ACTR3C: variants seen among roughly 807,000 people sequenced by gnomAD.
ACTR3C encodes actin related protein 3C.
Under a neutral mutation model 26.3 loss-of-function variants are expected in ACTR3C, and 18 were observed. The observed-to-expected ratio is 0.68, with a 90% CI of 0.47 to 1.01. The LOEUF (loss-of-function observed/expected upper bound fraction) is 1.01, where lower values mean the gene tolerates loss of function less well. Among genes scored for constraint, ACTR3C ranks in the 50% least tolerant of loss-of-function variants. The pLI is 0.00. For missense variants in ACTR3C, 184 were observed against 250.7 expected (o/e 0.73, Z 1.80); for synonymous variants, 55 against 94.5 (o/e 0.58, Z 2.42).
chr7:150,170,337 C>T, the ACTR3C span, among the ~76,000 whole-genome samples: 1 of 150,892 alleles, frequency 6.6e-6, no homozygotes, highest in Non-Finnish European at 1.5e-5. Flanking sequence ...ATCTCTTCAA[C>T]TCTGCCATGT....
downstream of ACTR3C, among the ~76,000 whole-genome samples, chr7:150,243,141 C>T (rs1832279205): frequency 6.6e-6 from 1 of 152,110 alleles, no homozygotes; most frequent in African/African-American, 2.4e-5. Flanking sequence ...GATCAAGTTT[C>T]GTGATTAGTA....
At position 150,319,260 on chromosome 7, in the gene ACTR3C, T is replaced by C. The variant is rs1797244103; in HGVS notation, c.-52+4209A>G. On this transcript the variant is annotated intron_variant, in intron 1 of 7. Coordinates refer to ENST00000683684, the MANE Select transcript of ACTR3C (RefSeq NM_001164458.2). ...ACTCTGTTACCTAGGCAGGATGGAG[T>C]CCAATGGCGTGAGCTTGGCTCACCA... Among the ~76,000 whole-genome samples, 10 of 150,482 alleles carry C rather than the reference T, an allele frequency of 6.6e-5. No individual in the cohort carries two copies. In the Admixed American group the frequency reaches 6.7e-4, roughly 10 times the overall value.
At chr7:149,940,426 T>A in the ACTR3C span, among the ~76,000 whole-genome samples, 2 of 151,778 alleles carry the variant, frequency 1.3e-5, no homozygotes, top group Non-Finnish European at 2.9e-5. Flanking sequence ...CTCCACTTAC[T>A]TAATGGTCCC....
At chr7:150,053,881 G>A in the ACTR3C span, among the ~76,000 whole-genome samples, 1,981 of 152,342 alleles carry the variant, frequency 0.013, 22 homozygotes, top group Admixed American at 0.039. Flanking sequence ...AAGATTTAGG[G>A]AGGGTTGAGC....
chr7:150,221,998 C>CAAAAAAAAAAAAAAAAAAAAAAAA, the ACTR3C span, among the ~76,000 whole-genome samples: 8 of 79,796 alleles, frequency 1.0e-4, no homozygotes, highest in African/African-American at 5.5e-4. Context: ...ACTCCGTCTC[C>CAAAAAAAAAAAAAAAAAAAAAAAA]AAAAAAAAAA....
chr7:150,037,900 G>A, the ACTR3C span, among the ~76,000 whole-genome samples: 218 of 119,202 alleles, frequency 1.8e-3, 3 homozygotes, highest in South Asian at 5.0e-3. Flanking sequence ...AGAGGGGCTC[G>A]CTCTCAGTCC....
the ACTR3C span, among the ~76,000 whole-genome samples, chr7:149,911,172 T>TGG: frequency 2.0e-5 from 3 of 151,784 alleles, no homozygotes; most frequent in Admixed American, 2.0e-4. Flanking sequence ...CTTCCCAATT[T>TGG]TAACATATTT....
chr7:150,175,223 A>G, the ACTR3C span, among the ~76,000 whole-genome samples: 1 of 148,892 alleles, frequency 6.7e-6, no homozygotes, highest in South Asian at 2.1e-4. Flanking sequence ...AGACAAGATA[A>G]TAGATTTCTC....
the ACTR3C span, among the ~76,000 whole-genome samples, chr7:150,220,798 C>T: frequency 6.6e-6 from 1 of 152,310 alleles, no homozygotes; most frequent in Non-Finnish European, 1.5e-5. Context: ...CCCACGGGTG[C>T]GCGCTCCGCT....
chr7:150,042,530 C>T, the ACTR3C span, among the ~76,000 whole-genome samples: 120 of 134,026 alleles, frequency 9.0e-4, no homozygotes, highest in Middle Eastern at 4.5e-3. Context: ...ATAGTGGTCC[C>T]AAGAGCCAGG....
At chr7:150,012,354 G>A in the ACTR3C span, among the ~76,000 whole-genome samples, 15 of 138,330 alleles carry the variant, frequency 1.1e-4, no homozygotes, top group South Asian at 2.3e-4. Context: ...TCGCTCTGTC[G>A]CCCAGGCTGG....
At chr7:150,196,854 C>T in the ACTR3C span, among the ~76,000 whole-genome samples, 2 of 152,200 alleles carry the variant, frequency 1.3e-5, no homozygotes, top group African/African-American at 4.8e-5. Context: ...CTTAGTTCTT[C>T]TTTGTCCTCG....
At chr7:150,127,139 G>GACACACACAC in the ACTR3C span, among the ~76,000 whole-genome samples, 50 of 129,684 alleles carry the variant, frequency 3.9e-4, no homozygotes, top group Admixed American at 2.0e-3. Context: ...CCTACCATTA[G>GACACACACAC]ACACACACAC....
chr7:150,016,063 T>C, the ACTR3C span, among the ~76,000 whole-genome samples: 1 of 151,834 alleles, frequency 6.6e-6, no homozygotes. Flanking sequence ...AGAGGCACAA[T>C]GCTTCAAACT....
At chr7:150,106,898 T>C in the ACTR3C span, among the ~76,000 whole-genome samples, 1 of 146,132 alleles carries the variant, frequency 6.8e-6, no homozygotes, top group Non-Finnish European at 1.5e-5. Flanking sequence ...TTCAGCTTGG[T>C]TTAGAACCCC....
At chr7:149,886,062 G>C in the ACTR3C span, among the ~76,000 whole-genome samples, 2 of 152,220 alleles carry the variant, frequency 1.3e-5, no homozygotes, top group Non-Finnish European at 2.9e-5. Flanking sequence ...TATGAACTGA[G>C]ATAATGGACT....
chr7:150,210,746 G>C, the ACTR3C span, among the ~76,000 whole-genome samples: 5 of 149,802 alleles, frequency 3.3e-5, no homozygotes, highest in African/African-American at 1.0e-4. Context: ...AATTGTTAGG[G>C]AGAAACAGAT....
the ACTR3C span, among the ~76,000 whole-genome samples, chr7:150,105,685 C>G: frequency 6.6e-6 from 1 of 152,136 alleles, no homozygotes; most frequent in Non-Finnish European, 1.5e-5. Context: ...AGACATTGCA[C>G]TTTTGAAGTT....
chr7:149,903,899 TGC>T, the ACTR3C span, among the ~76,000 whole-genome samples: 1,751 of 19,920 alleles, frequency 0.088, 74 homozygotes, highest in South Asian at 0.13. Context: ...TGTTTGTTGT[TGC>T]TGGTTGTTGT....
Sources: allele counts gnomAD v4.1 joint callset (sites outside exome capture counted in the v4.1 genomes callset), GRCh38; gene constraint gnomAD v4.1.1; transcripts MANE v1.5; gene names NCBI Gene and HGNC (gene_info 2026-07-23, HGNC 2026-07-21).